Variants in FRMPD3 observed in about 807,000 individuals in gnomAD.
FRMPD3 encodes the protein FERM and PDZ domain-containing protein 3.
A neutral mutation model predicts 97.9 loss-of-function variants in FRMPD3; 42 were observed. That is an observed-to-expected ratio of 0.43 (90% confidence interval 0.34 to 0.55). FRMPD3 has a LOEUF of 0.55. FRMPD3 is among the 20% of genes least tolerant of loss of function. The probability of loss-of-function intolerance (pLI) is 0.03; values close to 1 mark genes in which losing one functional copy is unlikely to be tolerated. For missense variants in FRMPD3, 1,303 were observed against 1,457.7 expected, an observed-to-expected ratio of 0.89 and a Z score of 1.73; for synonymous variants, 577 against 581.1, an observed-to-expected ratio of 0.99 and a Z score of 0.10.
chrX:107,460,630 G>A (rs940703795), intron 1 of FRMPD3, among the ~76,000 whole-genome samples: 3 of 111,222 alleles, frequency 2.7e-5, no homozygotes, highest in Admixed American at 9.5e-5. Context: ...GAGCTCAAGC[G>A]ATCCTACCAC....
At chrX:107,501,876 C>G (rs949425039) in intron 1 of FRMPD3, among the ~76,000 whole-genome samples, 1 of 109,904 alleles carries the variant, frequency 9.1e-6, no homozygotes, top group East Asian at 2.9e-4. Context: ...AGTTTCCTCA[C>G]TCATTCCACA....
intron 12 of FRMPD3, among the ~76,000 whole-genome samples, chrX:107,570,118 G>A (rs11798954): frequency 1.1e-5 from 1 of 93,039 alleles, no homozygotes; most frequent in Non-Finnish European, 2.0e-5. Context: ...GAGAAAAAGA[G>A]AGCGAGGAAG....
intron 5 of FRMPD3, among the ~76,000 whole-genome samples, chrX:107,546,953 C>T (rs1054669331): frequency 8.9e-6 from 1 of 111,829 alleles, no homozygotes; most frequent in African/African-American, 3.2e-5. Flanking sequence ...CCCTGACTCT[C>T]ATTCCCAAAC....
chrX:107,500,687 C>T lies in FRMPD3; in HGVS notation c.-7-25895C>T, dbSNP rs755623532. 2.7e-5 allele frequency among the ~76,000 whole-genome samples: 3 copies of T among 109,471 alleles called. No homozygotes were observed. In the South Asian group the frequency reaches 1.2e-3, roughly 44 times the overall value. ...GCGGGCACCTGTAATCTCAGCTACT[C>T]AGGAGGCTGAGGCAGGAGAATTGCT... On this transcript the variant is annotated intron_variant, in intron 1 of 14. Transcript: ENST00000683843.
At chrX:107,524,063 C>T (rs1049154245) in intron 1 of FRMPD3, among the ~76,000 whole-genome samples, 8 of 112,419 alleles carry the variant, frequency 7.1e-5, no homozygotes, top group African/African-American at 1.6e-4. Flanking sequence ...ATGCCCATGT[C>T]GGAAATGAGC....
intron 1 of FRMPD3, among the ~76,000 whole-genome samples, chrX:107,498,852 C>A (rs762765051): frequency 1.8e-5 from 2 of 111,381 alleles, no homozygotes; most frequent in African/African-American, 6.5e-5. Flanking sequence ...AGACTTAGAA[C>A]AGGTGCAGGA....
intron 1 of FRMPD3, chrX:107,525,529 A>AATG: frequency 1.8e-6 from 1 of 547,775 alleles, no homozygotes; most frequent in South Asian, 2.3e-5. Flanking sequence ...TCGGGAGAAC[A>AATG]ATGTGTAATC....
chrX:107,592,796 T>C (rs1422757785), intron 13 of FRMPD3, among the ~76,000 whole-genome samples: 3 of 95,462 alleles, frequency 3.1e-5, no homozygotes, highest in African/African-American at 1.3e-4. Flanking sequence ...GACCATTCTT[T>C]TTTTTTTTTT....
At chrX:107,513,351 G>A (rs1922217665) in intron 1 of FRMPD3, 1 of 111,633 alleles carries the variant, frequency 9.0e-6, no homozygotes. Context: ...GAAATAGAGA[G>A]AAAGCCCTAG....
intron 1 of FRMPD3, among the ~76,000 whole-genome samples, chrX:107,495,297 T>C (rs1393583902): frequency 2.7e-5 from 3 of 111,596 alleles, no homozygotes; most frequent in Non-Finnish European, 5.6e-5. Flanking sequence ...ACCACCTTTT[T>C]AAATATTGCA....
intron 8 of FRMPD3, among the ~76,000 whole-genome samples, chrX:107,557,204 G>T (rs893235684): frequency 9.1e-6 from 1 of 109,348 alleles, no homozygotes; most frequent in Non-Finnish European, 1.9e-5. Context: ...ATTTTCATTT[G>T]CATTTTCCTA....
chrX:107,527,144 A>G (rs1922728350), intron 2 of FRMPD3, among the ~76,000 whole-genome samples: 1 of 112,248 alleles, frequency 8.9e-6, no homozygotes, highest in African/African-American at 3.2e-5. Flanking sequence ...CCTGTTCTCA[A>G]GAACCTAACC....
At chrX:107,504,530 A>G (rs189427520) in intron 1 of FRMPD3, among the ~76,000 whole-genome samples, 3 of 112,156 alleles carry the variant, frequency 2.7e-5, no homozygotes, top group East Asian at 2.8e-4. Flanking sequence ...GCTTCTGGAA[A>G]TTTGGGAAAT....
intron 1 of FRMPD3, 151 bp from the exon 2 acceptor site, chrX:107,526,431 C>T (rs1922698467): frequency 2.6e-6 from 1 of 386,805 alleles, no homozygotes; most frequent in South Asian, 7.9e-5. Flanking sequence ...ATGAGGCAGT[C>T]ATCATCTCTG....
chrX:107,542,843 T>C (rs1474366246), intron 4 of FRMPD3, among the ~76,000 whole-genome samples: 1 of 111,922 alleles, frequency 8.9e-6, no homozygotes. Flanking sequence ...TCAGGCTCCA[T>C]GGCAAGGCCC....
chrX:107,595,994 C>T (rs1031892997), intron 13 of FRMPD3, among the ~76,000 whole-genome samples: 3 of 110,439 alleles, frequency 2.7e-5, no homozygotes, highest in African/African-American at 9.9e-5. Context: ...TTGAAGTCTC[C>T]TACTACTGTT....
intron 1 of FRMPD3, among the ~76,000 whole-genome samples, chrX:107,473,393 A>G (rs1921114889): frequency 8.9e-6 from 1 of 112,175 alleles, no homozygotes; most frequent in African/African-American, 3.2e-5. Context: ...TTGTATTTGC[A>G]GACTTTTGTG....
chrX:107,601,514 C>T lies in FRMPD3; in HGVS notation c.3475C>T (p.Arg1159Ter). ...PHGHSPSSQS[R>*]GQSPSCQPRG... The stretch of plus-strand genomic sequence containing the variant: ...TGGCCACAGCCCCAGCAGCCAGTCT[C>T]GAGGTCAGAGCCCCAGCTGCCAACC... Residue 1159 changes from arginine to a stop codon, truncating the protein, a stop_gained, in exon 15 of 15, where the codon CGA becomes TGA. Coordinates refer to ENST00000683843, the MANE Select transcript of FRMPD3 (RefSeq NM_001388459.1). LOFTEE classifies it high-confidence loss of function. 1 of 1,173,035 alleles carries T rather than the reference C, an allele frequency of 8.5e-7. No individual in the cohort carries two copies. Among genetic ancestry groups the T allele is most frequent in the Non-Finnish European group, 1.1e-6 (1 of 876,902 alleles).
At chrX:107,560,566 G>C in intron 9 of FRMPD3, among the ~76,000 whole-genome samples, 161 bp from the exon 10 acceptor site, 1 of 111,094 alleles carries the variant, frequency 9.0e-6, no homozygotes, top group African/African-American at 3.3e-5. Context: ...CTACTAGGGA[G>C]CTGTGGCTAA....
Sources: gnomAD v4.1 joint callset for allele counts (sites outside exome capture counted in the v4.1 genomes callset) on GRCh38, gnomAD v4.1.1 for gene constraint, MANE v1.5 for transcripts, NCBI Gene and HGNC (gene_info 2026-07-23, HGNC 2026-07-21) for gene names.